Variants in ATP13A5 observed in about 807,000 individuals in gnomAD.
ATP13A5 encodes ATPase 13A5.
Under a neutral mutation model 150.2 loss-of-function variants are expected in ATP13A5, and 149 were observed. The ratio of observed to expected loss-of-function variants is 0.99; its 90% CI spans 0.87 to 1.14. The LOEUF is 1.14. ATP13A5 is among the 50% of genes most tolerant of loss of function. The pLI, the probability that ATP13A5 is intolerant of heterozygous loss-of-function variation, is 0.00. For synonymous variants in ATP13A5, 497 were observed against 522.2 expected (o/e 0.95, Z 0.66); for missense variants, 1,383 against 1,449.3 (o/e 0.95, Z 0.74).
intron 19 of ATP13A5, 85 bp from the exon 20 acceptor site, chr3:193,312,026 T>C: frequency 6.5e-7 from 1 of 1,540,214 alleles, no homozygotes; most frequent in Non-Finnish European, 8.8e-7. Context: ...AGAGTTTTCA[T>C]GTTGCCTAAC....
intron 29 of ATP13A5, among the ~76,000 whole-genome samples, chr3:193,276,088 A>G (rs1268378194): frequency 1.3e-5 from 2 of 152,184 alleles, no homozygotes; most frequent in Non-Finnish European, 2.9e-5. Flanking sequence ...TTATTAAAAC[A>G]TAGTCTCAAA....
intron 9 of ATP13A5, among the ~76,000 whole-genome samples, chr3:193,338,743 C>A (rs1378412586): frequency 5.3e-5 from 8 of 152,130 alleles, no homozygotes; most frequent in Non-Finnish European, 1.2e-4. Flanking sequence ...ATGATGCTGG[C>A]CTCATAAAAT....
chr3:193,324,497 A>G (rs931648731), intron 14 of ATP13A5, among the ~76,000 whole-genome samples: 1 of 152,186 alleles, frequency 6.6e-6, no homozygotes, highest in Non-Finnish European at 1.5e-5. Context: ...TTTGGAGAAC[A>G]TGCTGGGTTA....
Position 193,362,404 on chromosome 3 carries a change from C to T in ATP13A5, c.513G>A (p.Leu171=), listed in dbSNP as rs558085870. 22 of 1,614,094 alleles carry T rather than the reference C, an allele frequency of 1.4e-5. No individual in the cohort carries two copies. The Admixed American group carries it at 1.8e-4, about 13-fold the overall frequency. ...ACCTGACCTCTTGCTCTTCACTGGTCAGACCCAATCCAAATGTCTGATGGA... is the reference window on the plus strand; with the variant it reads ...ACCTGACCTCTTGCTCTTCACTGGTTAGACCCAATCCAAATGTCTGATGGA... ...SDIHQTFGLG[L]TSEEQEVRRL... is the part of the protein sequence containing the mutation. Residue 171 remains leucine (L), a synonymous_variant, in exon 5 of 30, where the codon CTG becomes CTA. Transcript: ENST00000342358.
Position 193,303,659 on chromosome 3 carries a change from G to C in ATP13A5, c.2678+1900C>G, listed in dbSNP as rs1718495159. Among the ~76,000 whole-genome samples, 6 of 152,112 alleles carry C rather than the reference G, an allele frequency of 3.9e-5. No individual in the cohort carries two copies. In the South Asian group the frequency reaches 1.0e-3, roughly 26 times the overall value. ...AATGGTGGATTATGACAGGTTAAAA[G>C]AAGACGTGAGGTAGCAGCACGTGAT... On this transcript the variant is annotated intron_variant, in intron 23 of 29. Transcript: ENST00000342358.
chr3:193,336,493 T>C (rs983624406), intron 9 of ATP13A5, among the ~76,000 whole-genome samples: 4 of 152,222 alleles, frequency 2.6e-5, no homozygotes, highest in Non-Finnish European at 5.9e-5. Context: ...TGGTGTTTGA[T>C]TTTTTGTCCT....
chr3:193,367,906 C>G (rs1247296058), intron 1 of ATP13A5, among the ~76,000 whole-genome samples: 1 of 147,534 alleles, frequency 6.8e-6, no homozygotes, highest in Non-Finnish European at 1.5e-5. Context: ...TCAACAATCA[C>G]TACTAATATT....
At chr3:193,280,377 T>A (rs533721433) in intron 27 of ATP13A5, among the ~76,000 whole-genome samples, 1 of 152,232 alleles carries the variant, frequency 6.6e-6, no homozygotes, top group East Asian at 1.9e-4. Context: ...CCAGTTAAAA[T>A]ACCACTTCCT....
chr3:193,310,131 G>T (rs1718786195), intron 21 of ATP13A5, among the ~76,000 whole-genome samples: 1 of 152,130 alleles, frequency 6.6e-6, no homozygotes, highest in African/African-American at 2.4e-5. Flanking sequence ...TTGATTTTCT[G>T]TTCCTGCATT....
At chr3:193,368,469 G>A (rs1713329488) in intron 1 of ATP13A5, among the ~76,000 whole-genome samples, 1 of 151,634 alleles carries the variant, frequency 6.6e-6, no homozygotes, top group African/African-American at 2.4e-5. Context: ...TGCAAAGGAT[G>A]TAGGATAGTC....
chr3:193,276,995 A>G (rs939338354), intron 28 of ATP13A5, among the ~76,000 whole-genome samples, 165 bp from the exon 29 acceptor site: 9 of 152,198 alleles, frequency 5.9e-5, no homozygotes, highest in African/African-American at 2.2e-4. Context: ...AAAGCCTATA[A>G]ATAAATGGCA....
At chr3:193,295,605 A>G (rs1718136485) in intron 25 of ATP13A5, among the ~76,000 whole-genome samples, 1 of 152,144 alleles carries the variant, frequency 6.6e-6, no homozygotes, top group Admixed American at 6.6e-5. Flanking sequence ...GTGAGAGATG[A>G]ACACTTGTAT....
intron 23 of ATP13A5, among the ~76,000 whole-genome samples, chr3:193,304,009 G>A (rs1017484595): frequency 6.6e-6 from 1 of 151,922 alleles, no homozygotes; most frequent in South Asian, 2.1e-4. Flanking sequence ...AGCTCCATGA[G>A]TTGTATTGAC....
At chr3:193,298,802 G>A (rs1718276464) in intron 25 of ATP13A5, among the ~76,000 whole-genome samples, 1 of 152,126 alleles carries the variant, frequency 6.6e-6, no homozygotes, top group South Asian at 2.1e-4. Flanking sequence ...AAGCATAGCT[G>A]AATAATGGAA....
At chr3:193,311,118 T>C (rs551238145) in intron 20 of ATP13A5, among the ~76,000 whole-genome samples, 7 of 152,236 alleles carry the variant, frequency 4.6e-5, no homozygotes, top group Non-Finnish European at 1.0e-4. Flanking sequence ...TGTTCTCAGC[T>C]GTGCCAGCTA....
At chr3:193,334,852 CCTAAA>C in intron 10 of ATP13A5, 72 bp downstream of exon 10, 1 of 1,424,536 alleles carries the variant, frequency 7.0e-7, no homozygotes, top group Admixed American at 1.9e-5. Context: ...ACTCCATAAT[CCTAAA>C]CTAAATTTCC....
chr3:193,366,006 C>T (rs1713227798), intron 1 of ATP13A5, among the ~76,000 whole-genome samples: 2 of 151,876 alleles, frequency 1.3e-5, no homozygotes, highest in Non-Finnish European at 2.9e-5. Flanking sequence ...TGAAAATATG[C>T]CCTAATGAAA....
At chr3:193,284,867 G>A (rs1717650215) in intron 27 of ATP13A5, 47 bp downstream of exon 27, 1 of 1,466,870 alleles carries the variant, frequency 6.8e-7, no homozygotes, top group South Asian at 1.2e-5. Flanking sequence ...GGTGAGAAAG[G>A]GAATGGGAAA....
Position 193,279,415 on chromosome 3 carries a change from G to A in ATP13A5, c.3266C>T (p.Thr1089Ile). The A allele has an allele frequency of 1.2e-6, 2 of 1,613,878 alleles. No individual in the cohort carries two copies. The highest frequency in any genetic ancestry group is 1.7e-6 in the Non-Finnish European group (2 of 1,179,856). Reference protein sequence around the residue: ...SFLLLAALGLTIFILFSDFQV... With the variant: ...SFLLLAALGLIIFILFSDFQV... ...AAAGTCAGAAAACAGAATGAAAATT[G>A]TGAGGCCCAAGGCAGCTAGCAGCAG... Residue 1089 changes from threonine to isoleucine, a missense_variant, in exon 28 of 30, where the codon ACA becomes ATA. Physicochemically the swap from Thr to Ile is moderately conservative, Grantham distance 89. Transcript: ENST00000342358.
Sources: gnomAD v4.1 joint callset for allele counts (sites outside exome capture counted in the v4.1 genomes callset) on GRCh38, gnomAD v4.1.1 for gene constraint, MANE v1.5 for transcripts, NCBI Gene and HGNC (gene_info 2026-07-23, HGNC 2026-07-21) for gene names.